The following GTF2F2 variants were observed in gnomAD, a reference collection of about 807,000 sequenced individuals.
The protein encoded by GTF2F2 is ATP-dependent helicase GTF2F2.
In GTF2F2, 23 loss-of-function variants were observed where a neutral mutation model predicts 42.2. The ratio of observed to expected loss-of-function variants is 0.55; its 90% confidence interval spans 0.39 to 0.77. The LOEUF (loss-of-function observed/expected upper bound fraction) is 0.77. Among genes scored for constraint, GTF2F2 ranks in the 30% least tolerant of loss-of-function variants. The pLI, the probability that GTF2F2 is intolerant of heterozygous loss-of-function variation, is 0.00. For missense variants in GTF2F2, 261 were observed against 287.2 expected (o/e 0.91, Z 0.66); for synonymous variants, 105 against 100.8 (o/e 1.04, Z -0.25).
intron 4 of GTF2F2, among the ~76,000 whole-genome samples, chr13:45,168,723 C>T (rs894988554): frequency 1.3e-5 from 2 of 152,200 alleles, no homozygotes; most frequent in South Asian, 2.1e-4. Flanking sequence ...AGTGATTTCC[C>T]CACCTCAGCC....
At chr13:45,203,298 T>C (rs1368430732) in intron 4 of GTF2F2, among the ~76,000 whole-genome samples, 1 of 151,762 alleles carries the variant, frequency 6.6e-6, no homozygotes, top group East Asian at 1.9e-4. Context: ...TTGCCTGGGC[T>C]AGTCTCAAAC....
intron 5 of GTF2F2, among the ~76,000 whole-genome samples, chr13:45,243,861 A>G (rs1184450881): frequency 6.6e-6 from 1 of 152,140 alleles, no homozygotes; most frequent in African/African-American, 2.4e-5. Context: ...CAGTTTCACC[A>G]TGTTGGCCAG....
chr13:45,165,362 C>T (rs1428666650), intron 4 of GTF2F2, among the ~76,000 whole-genome samples: 1 of 145,088 alleles, frequency 6.9e-6, no homozygotes, highest in Non-Finnish European at 1.5e-5. Flanking sequence ...AAGTCTTGCT[C>T]TATCGCCCAG....
chr13:45,212,516 C>CT (rs1395723165), intron 5 of GTF2F2, among the ~76,000 whole-genome samples: 2 of 116,088 alleles, frequency 1.7e-5, no homozygotes, highest in Non-Finnish European at 3.7e-5. Context: ...TCTTTTCTTT[C>CT]TTTCTCTTTC....
At chr13:45,277,665 A>G (rs1877093319) in intron 7 of GTF2F2, among the ~76,000 whole-genome samples, 1 of 152,264 alleles carries the variant, frequency 6.6e-6, no homozygotes, top group Admixed American at 6.5e-5. Context: ...AGTCACTAAC[A>G]TCTTCATCAG....
chr13:45,169,031 C>T (rs9316121), intron 4 of GTF2F2, among the ~76,000 whole-genome samples: 52,246 of 149,644 alleles, frequency 0.35, 12,490 homozygotes, highest in African/African-American at 0.68. Context: ...GGTTTCACCC[C>T]GTTGCCCAGG....
intron 5 of GTF2F2, among the ~76,000 whole-genome samples, chr13:45,245,765 T>A (rs1042683200): frequency 1.1e-3 from 161 of 146,962 alleles, no homozygotes; most frequent in African/African-American, 3.8e-3. Context: ...ATCCACTCTT[T>A]TTTGTATCTA....
At position 45,147,245 on chromosome 13, in the gene GTF2F2, A is replaced by C. The variant is rs532081441; in HGVS notation, c.141-2525A>C. Reference sequence around the variant, plus strand: ...TTAACAATTTAATGACCTGCTATGTATCTCTTCCTTACGTTCTACCACTAG... The same window carrying C: ...TTAACAATTTAATGACCTGCTATGTCTCTCTTCCTTACGTTCTACCACTAG... On this transcript the variant is annotated intron_variant, in intron 2 of 7. Transcript: ENST00000340473. Among the ~76,000 whole-genome samples the C allele has an allele frequency of 3.3e-5, 5 of 152,264 alleles. No individual in the cohort carries two copies. The East Asian group carries it at 5.8e-4, about 18-fold the overall frequency.
chr13:45,218,854 G>A (rs1264686647), intron 5 of GTF2F2, among the ~76,000 whole-genome samples: 1 of 152,134 alleles, frequency 6.6e-6, no homozygotes, highest in Non-Finnish European at 1.5e-5. Context: ...ATTCCTAGTA[G>A]TTTGTCACTG....
chr13:45,227,540 TA>T (rs1874420420), intron 5 of GTF2F2, among the ~76,000 whole-genome samples: 1 of 152,224 alleles, frequency 6.6e-6, no homozygotes. Context: ...AAAACTTTTT[TA>T]AAAAACAAAT....
chr13:45,213,236 G>A (rs957392594), intron 5 of GTF2F2, among the ~76,000 whole-genome samples: 1 of 151,874 alleles, frequency 6.6e-6, no homozygotes, highest in Non-Finnish European at 1.5e-5. Flanking sequence ...CCGCCACCAC[G>A]CCCGGCTAAT....
intron 2 of GTF2F2, among the ~76,000 whole-genome samples, chr13:45,147,154 A>G (rs1292766600): frequency 6.6e-6 from 1 of 152,192 alleles, no homozygotes; most frequent in Non-Finnish European, 1.5e-5. Context: ...GAAAATGTCA[A>G]CATGATCTTT....
chr13:45,229,396 C>T (rs543616645), intron 5 of GTF2F2, among the ~76,000 whole-genome samples: 3 of 152,210 alleles, frequency 2.0e-5, no homozygotes, highest in African/African-American at 7.2e-5. Context: ...AGGCAGCTGC[C>T]CCCTCTTCCC....
intron 4 of GTF2F2, among the ~76,000 whole-genome samples, chr13:45,156,085 C>T (rs953705198): frequency 4.6e-5 from 7 of 152,096 alleles, no homozygotes; most frequent in Non-Finnish European, 1.0e-4. Context: ...CAGGCGTGCA[C>T]CACCATGTCT....
chr13:45,165,946 T>C (rs1433539200), intron 4 of GTF2F2, among the ~76,000 whole-genome samples: 1 of 151,432 alleles, frequency 6.6e-6, no homozygotes, highest in Non-Finnish European at 1.5e-5. Context: ...CCCGAGTAGC[T>C]GGGATTACAG....
chr13:45,155,285 AGT>A, intron 4 of GTF2F2, among the ~76,000 whole-genome samples: 1 of 152,210 alleles, frequency 6.6e-6, no homozygotes, highest in South Asian at 2.1e-4. Flanking sequence ...ATATAAATGA[AGT>A]AGGCATTATC....
intron 4 of GTF2F2, among the ~76,000 whole-genome samples, chr13:45,155,736 T>C (rs1870725739): frequency 6.6e-6 from 1 of 152,238 alleles, no homozygotes; most frequent in Non-Finnish European, 1.5e-5. Flanking sequence ...CCACTTCTGC[T>C]TTCCTCTATG....
At chr13:45,277,377 G>C (rs1382080211) in intron 7 of GTF2F2, among the ~76,000 whole-genome samples, 1 of 152,158 alleles carries the variant, frequency 6.6e-6, no homozygotes, top group Non-Finnish European at 1.5e-5. Flanking sequence ...AAGCAGGAGT[G>C]AGAGAGTGAG....
chr13:45,252,812 C>T (rs1203404920), intron 5 of GTF2F2, 59 bp from the exon 6 acceptor site: 3 of 717,896 alleles, frequency 4.2e-6, no homozygotes, highest in Non-Finnish European at 4.7e-6. Context: ...GAAATAATAA[C>T]TCTTCATATT....
Sources: gnomAD v4.1 joint callset for allele counts (sites outside exome capture counted in the v4.1 genomes callset) on GRCh38, gnomAD v4.1.1 for gene constraint, MANE v1.5 for transcripts, NCBI Gene and HGNC (gene_info 2026-07-23, HGNC 2026-07-21) for gene names.